Variants in BNC2 observed in about 807,000 individuals in gnomAD.
BNC2 encodes basonuclin zinc finger protein 2, also known as zinc finger protein basonuclin-2.
A neutral mutation model predicts 76.3 loss-of-function variants in BNC2; 20 were observed. The observed-to-expected ratio is 0.26, with a 90% confidence interval of 0.18 to 0.38. The LOEUF is 0.38. BNC2 is among the 10% of genes least tolerant of loss of function. The pLI is 1.00. For synonymous variants in BNC2, 582 were observed against 514.8 expected (o/e 1.13, Z -1.77); for missense variants, 1,382 against 1,399.8 (o/e 0.99, Z 0.20).
chr9:16,547,402 T>C (rs931015290), intron 5 of BNC2, among the ~76,000 whole-genome samples: 1 of 152,230 alleles, frequency 6.6e-6, no homozygotes, highest in African/African-American at 2.4e-5. Flanking sequence ...TTCCATGAGT[T>C]CCATGGTGAA....
At chr9:16,566,663 T>C (rs1819177807) in intron 4 of BNC2, among the ~76,000 whole-genome samples, 1 of 152,090 alleles carries the variant, frequency 6.6e-6, no homozygotes. Flanking sequence ...TTTATGAAAA[T>C]CATCCATAAT....
chr9:16,496,768 C>T lies in BNC2; in HGVS notation c.669+55762G>A, dbSNP rs182433565. Among the ~76,000 whole-genome samples the T allele has an allele frequency of 1.6e-4, 24 of 152,274 alleles. No individual in the cohort carries two copies. The East Asian group carries it at 4.6e-3, about 29-fold the overall frequency. The stretch of plus-strand genomic sequence containing the variant: ...TGATCTCAACAATCAAAATATTCTA[C>T]CAAGCTCTTTAGAAGCCCAGGCTAT... On this transcript the variant is annotated intron_variant, in intron 5 of 6. Transcript: ENST00000380672.
At chr9:16,482,754 A>G (rs1350564533) in intron 5 of BNC2, among the ~76,000 whole-genome samples, 3 of 152,232 alleles carry the variant, frequency 2.0e-5, no homozygotes, top group South Asian at 4.1e-4. Context: ...ACTCAGAGGA[A>G]TCAACCTCTG....
At chr9:16,662,154 A>G (rs980623468) in intron 3 of BNC2, among the ~76,000 whole-genome samples, 16 of 152,236 alleles carry the variant, frequency 1.1e-4, no homozygotes, top group African/African-American at 3.6e-4. Flanking sequence ...AAACATTCAC[A>G]TATTAGTTCA....
At chr9:16,598,561 G>T (rs1262279473) in intron 3 of BNC2, among the ~76,000 whole-genome samples, 1 of 152,090 alleles carries the variant, frequency 6.6e-6, no homozygotes, top group Non-Finnish European at 1.5e-5. Flanking sequence ...CACCACTACG[G>T]GGAAGAGACG....
chr9:16,852,585 C>T (rs1036371756), intron 1 of BNC2, among the ~76,000 whole-genome samples: 3 of 152,132 alleles, frequency 2.0e-5, no homozygotes, highest in East Asian at 1.9e-4. Context: ...TCTTATGGGG[C>T]TTCATGGTGG....
At chr9:16,741,122 T>C (rs1824836134) in intron 1 of BNC2, among the ~76,000 whole-genome samples, 2 of 152,042 alleles carry the variant, frequency 1.3e-5, no homozygotes, top group Admixed American at 1.3e-4. Flanking sequence ...GGAGACATGA[T>C]AGGAAGGAAT....
chr9:16,568,671 A>G (rs184316256), intron 4 of BNC2, among the ~76,000 whole-genome samples: 4 of 152,300 alleles, frequency 2.6e-5, no homozygotes, highest in Admixed American at 2.6e-4. Flanking sequence ...GCAAAGACTT[A>G]GTCTACTCTT....
intron 1 of BNC2, among the ~76,000 whole-genome samples, chr9:16,866,909 G>A (rs558325725): frequency 1.3e-5 from 2 of 152,218 alleles, no homozygotes; most frequent in South Asian, 4.1e-4. Flanking sequence ...CACAAGAAAT[G>A]TTTTCCACTC....
At chr9:16,770,027 A>C in intron 1 of BNC2, among the ~76,000 whole-genome samples, 1 of 152,188 alleles carries the variant, frequency 6.6e-6, no homozygotes, top group East Asian at 1.9e-4. Flanking sequence ...GGTTTTGCTC[A>C]ATGAATTACT....
chr9:16,526,315 G>A (rs1817798110), intron 5 of BNC2, among the ~76,000 whole-genome samples: 1 of 151,996 alleles, frequency 6.6e-6, no homozygotes, highest in Non-Finnish European at 1.5e-5. Flanking sequence ...AGTGAGATAA[G>A]GATAACAAAG....
chr9:16,830,352 C>T (rs532609901), intron 1 of BNC2, among the ~76,000 whole-genome samples: 67 of 152,242 alleles, frequency 4.4e-4, no homozygotes, highest in African/African-American at 1.6e-3. Context: ...AATCTTCGAA[C>T]GCTCAAATCC....
Position 16,478,767 on chromosome 9 carries a change from A to C in BNC2, c.670-41243T>G, listed in dbSNP as rs118075255. ...GCTGCTGGCAAACTCTTCTAGGTCAAAAAGGAATGTCAGTGTGTAAGAGTA... is the reference window on the plus strand; with the variant it reads ...GCTGCTGGCAAACTCTTCTAGGTCACAAAGGAATGTCAGTGTGTAAGAGTA... On this transcript the variant is annotated intron_variant, in intron 5 of 6. Coordinates refer to ENST00000380672, the MANE Select transcript of BNC2 (RefSeq NM_017637.6). Among the ~76,000 whole-genome samples, 22 of 152,312 alleles carry C rather than the reference A, an allele frequency of 1.4e-4. No individual in the cohort carries two copies. The East Asian group carries it at 4.3e-3, about 29-fold the overall frequency.
At chr9:16,831,266 G>C (rs183165280) in intron 1 of BNC2, among the ~76,000 whole-genome samples, 2 of 152,294 alleles carry the variant, frequency 1.3e-5, no homozygotes, top group East Asian at 3.9e-4. Flanking sequence ...AAACATTTAA[G>C]CCAAAATTAT....
At chr9:16,717,687 T>C (rs936769652) in intron 3 of BNC2, among the ~76,000 whole-genome samples, 2 of 152,222 alleles carry the variant, frequency 1.3e-5, no homozygotes, top group African/African-American at 2.4e-5. Flanking sequence ...ATCTGTGTTT[T>C]ATGGAGAGAA....
intron 5 of BNC2, among the ~76,000 whole-genome samples, chr9:16,443,064 CAAAAAAAAAA>C (rs908689709): frequency 2.3e-3 from 146 of 63,672 alleles, no homozygotes; most frequent in Non-Finnish European, 4.0e-3. Context: ...GAGACTCTGT[CAAAAAAAAAA>C]AAAAAAAAAA....
At position 16,846,022 on chromosome 9, in the gene BNC2, C is replaced by A. The variant is rs184501318; in HGVS notation, c.3+24624G>T. Reference sequence around the variant, plus strand: ...AAAATTAGCTGGCCGCGGTGGCGGGCACCTGCAGTCCGGAGGCTGACGCAG... The same window carrying A: ...AAAATTAGCTGGCCGCGGTGGCGGGAACCTGCAGTCCGGAGGCTGACGCAG... On this transcript the variant is annotated intron_variant, in intron 1 of 6. Transcript: ENST00000380672. 2.7e-4 allele frequency among the ~76,000 whole-genome samples: 41 copies of A among 151,846 alleles called. 1 individual carries two copies. The East Asian group carries it at 8.1e-3, about 30-fold the overall frequency.
At chr9:16,692,635 C>T (rs1490923873) in intron 3 of BNC2, among the ~76,000 whole-genome samples, 1 of 151,990 alleles carries the variant, frequency 6.6e-6, no homozygotes, top group South Asian at 2.1e-4. Context: ...CGATGGAAGC[C>T]GCATAGGGGA....
In BNC2 at chr9:16,519,380, G is replaced by C. The variant is rs75997461; in HGVS notation, c.669+33150C>G. ...GTAAAGTCCCAAAAGATAGGAATTG[G>C]AGCTTTTATCTCAAATCAACCTTAG... On this transcript the variant is annotated intron_variant, in intron 5 of 6. Coordinates refer to ENST00000380672, the MANE Select transcript of BNC2 (RefSeq NM_017637.6). Among the ~76,000 whole-genome samples the C allele has an allele frequency of 8.7e-3, 1,327 of 152,310 alleles. 17 individuals carry two copies. The highest frequency in any genetic ancestry group is 0.029 in the African/African-American group (1,225 of 41,564).
Sources: gnomAD v4.1 joint callset for allele counts (sites outside exome capture counted in the v4.1 genomes callset) on GRCh38, gnomAD v4.1.1 for gene constraint, MANE v1.5 for transcripts, NCBI Gene and HGNC (gene_info 2026-07-23, HGNC 2026-07-21) for gene names.